Variants in FBXL7 observed in about 807,000 individuals in gnomAD.
The protein encoded by FBXL7 is F-box and leucine rich repeat protein 7.
FBXL7 carries 12 observed loss-of-function variants against 38.3 expected under a neutral mutation model. The observed-to-expected ratio is 0.31, with a 90% CI of 0.20 to 0.51. FBXL7 has a LOEUF of 0.51. FBXL7 is among the 20% of genes least tolerant of loss of function. The probability of loss-of-function intolerance (pLI) is 0.98; values close to 1 mark genes in which losing one functional copy is unlikely to be tolerated. For missense variants in FBXL7, 567 were observed against 676.4 expected (o/e 0.84, Z 1.79); for synonymous variants, 297 against 300.9 (o/e 0.99, Z 0.13).
chr5:15,927,761 T>C (rs1263061965), intron 2 of FBXL7, 129 bp from the exon 3 acceptor site: 2 of 656,294 alleles, frequency 3.0e-6, no homozygotes, highest in Non-Finnish European at 3.9e-6. Flanking sequence ...GGCGACAAGA[T>C]CTTAAAAAAA....
At chr5:15,844,190 A>T (rs1254961521) in intron 2 of FBXL7, among the ~76,000 whole-genome samples, 5 of 152,206 alleles carry the variant, frequency 3.3e-5, no homozygotes, top group Admixed American at 6.5e-5. Context: ...CAGTAGAAGC[A>T]TTTAATTGCA....
chr5:15,547,210 C>T (rs943677775), intron 1 of FBXL7, among the ~76,000 whole-genome samples: 2 of 152,212 alleles, frequency 1.3e-5, no homozygotes, highest in South Asian at 2.1e-4. Context: ...ATCTGCATAC[C>T]TGTGCCTTCT....
rs187782738 is a variant in FBXL7 at position 15,833,239 on chromosome 5, T to C, written c.128-94651T>C. On this transcript the variant is annotated intron_variant, in intron 2 of 3. Transcript: ENST00000504595. ...GAAGGTGGGGAGTCCATGATCAAGGTCCCAGTAGGGCTCAGTCTCTGGCTG... is the reference window on the plus strand; with the variant it reads ...GAAGGTGGGGAGTCCATGATCAAGGCCCCAGTAGGGCTCAGTCTCTGGCTG... Among the ~76,000 whole-genome samples the C allele has an allele frequency of 7.4e-4, 112 of 152,282 alleles. 1 individual carries two copies. Among genetic ancestry groups the C allele is most frequent in the African/African-American group, 2.6e-3 (110 of 41,546 alleles).
intron 1 of FBXL7, among the ~76,000 whole-genome samples, chr5:15,561,011 A>G (rs1738401065): frequency 6.6e-6 from 1 of 152,218 alleles, no homozygotes. Flanking sequence ...CATATCCATC[A>G]TCTCACATGT....
At chr5:15,807,265 T>A (rs982470236) in intron 2 of FBXL7, among the ~76,000 whole-genome samples, 2 of 152,062 alleles carry the variant, frequency 1.3e-5, no homozygotes, top group Admixed American at 6.6e-5. Flanking sequence ...AAACAGTAAG[T>A]AAGATATTTT....
intron 3 of FBXL7, among the ~76,000 whole-genome samples, chr5:15,932,573 A>G (rs537836818): frequency 1.5e-4 from 23 of 152,292 alleles, no homozygotes; most frequent in Non-Finnish European, 2.6e-4. Context: ...ATCTCATCCC[A>G]AAAGACAATT....
At chr5:15,863,655 G>A (rs1425625125) in intron 2 of FBXL7, among the ~76,000 whole-genome samples, 1 of 152,172 alleles carries the variant, frequency 6.6e-6, no homozygotes, top group African/African-American at 2.4e-5. Context: ...CCTGGGAGGT[G>A]GGGCCTAGTG....
intron 2 of FBXL7, among the ~76,000 whole-genome samples, chr5:15,859,091 C>T (rs1739361890): frequency 6.6e-6 from 1 of 152,090 alleles, no homozygotes; most frequent in African/African-American, 2.4e-5. Flanking sequence ...AGAAGCCATC[C>T]AATTGTCTGT....
At chr5:15,523,584 G>T (rs1737165083) in intron 1 of FBXL7, among the ~76,000 whole-genome samples, 1 of 151,890 alleles carries the variant, frequency 6.6e-6, no homozygotes, top group African/African-American at 2.4e-5. Flanking sequence ...TCACATAGTA[G>T]CTTGGAGGTG....
intron 2 of FBXL7, among the ~76,000 whole-genome samples, chr5:15,826,926 T>TC (rs1359426688): frequency 1.3e-5 from 2 of 151,956 alleles, no homozygotes; most frequent in Non-Finnish European, 2.9e-5. Flanking sequence ...TGTGGCTTTT[T>TC]TTTTTTTCCA....
intron 2 of FBXL7, among the ~76,000 whole-genome samples, chr5:15,774,386 T>G (rs922182193): frequency 6.6e-6 from 1 of 152,180 alleles, no homozygotes; most frequent in Non-Finnish European, 1.5e-5. Context: ...TTTCAGGAAT[T>G]CAGACATAGA....
At chr5:15,553,988 C>T (rs1738160730) in intron 1 of FBXL7, among the ~76,000 whole-genome samples, 1 of 152,164 alleles carries the variant, frequency 6.6e-6, no homozygotes, top group Non-Finnish European at 1.5e-5. Context: ...TTCAAAGGAG[C>T]CACTGATCCA....
At chr5:15,729,062 T>C (rs1270066319) in intron 2 of FBXL7, among the ~76,000 whole-genome samples, 1 of 152,108 alleles carries the variant, frequency 6.6e-6, no homozygotes, top group Non-Finnish European at 1.5e-5. Flanking sequence ...TTTAATTAAA[T>C]GAGAAAAGGA....
intron 1 of FBXL7, among the ~76,000 whole-genome samples, chr5:15,569,633 T>A (rs1416657185): frequency 6.6e-6 from 1 of 151,780 alleles, no homozygotes; most frequent in Non-Finnish European, 1.5e-5. Context: ...CTATGTTGAA[T>A]AGGAGTGGTG....
chr5:15,690,484 T>C (rs538744668), intron 2 of FBXL7, among the ~76,000 whole-genome samples: 1 of 152,248 alleles, frequency 6.6e-6, no homozygotes, highest in Non-Finnish European at 1.5e-5. Context: ...TGTATAATGA[T>C]CAAATCAGGG....
chr5:15,555,740 GGT>G (rs911208628), intron 1 of FBXL7, among the ~76,000 whole-genome samples: 2 of 151,748 alleles, frequency 1.3e-5, no homozygotes, highest in Admixed American at 6.6e-5. Context: ...GCTATCTTCT[GGT>G]ACCTGACAAA....
At chr5:15,682,093 A>C (rs1230138125) in intron 2 of FBXL7, among the ~76,000 whole-genome samples, 2 of 152,224 alleles carry the variant, frequency 1.3e-5, no homozygotes, top group Non-Finnish European at 2.9e-5. Flanking sequence ...ATCATAGACC[A>C]AGGTGGTCAG....
chr5:15,757,119 G>C (rs1348201286), intron 2 of FBXL7, among the ~76,000 whole-genome samples: 1 of 152,140 alleles, frequency 6.6e-6, no homozygotes, highest in African/African-American at 2.4e-5. Flanking sequence ...AGTGGATGTA[G>C]GAATTGGGGT....
chr5:15,894,716 T>C (rs1561179396), intron 2 of FBXL7, among the ~76,000 whole-genome samples: 1 of 152,210 alleles, frequency 6.6e-6, no homozygotes, highest in Non-Finnish European at 1.5e-5. Flanking sequence ...TGACACAATA[T>C]TTATGAGGTA....
Sources: gnomAD v4.1 joint callset for allele counts (sites outside exome capture counted in the v4.1 genomes callset) on GRCh38, gnomAD v4.1.1 for gene constraint, MANE v1.5 for transcripts, NCBI Gene and HGNC (gene_info 2026-07-23, HGNC 2026-07-21) for gene names.